Variants in PLCB4 observed in about 807,000 individuals in gnomAD.
PLCB4 encodes 1-phosphatidylinositol 4,5-bisphosphate phosphodiesterase beta-4.
In PLCB4, 77 loss-of-function variants were observed where a neutral mutation model predicts 178.8. The observed-to-expected ratio is 0.43, with a 90% CI of 0.36 to 0.52. The LOEUF (loss-of-function observed/expected upper bound fraction) is 0.52, where lower values mean the gene tolerates loss of function less well. PLCB4 is among the 20% of genes least tolerant of loss of function. The pLI is 0.00. For synonymous variants in PLCB4, 496 were observed against 490.8 expected, an observed-to-expected ratio of 1.01 and a Z score of -0.14; for missense variants, 1,024 against 1,453.4, an observed-to-expected ratio of 0.70 and a Z score of 4.80.
intron 12 of PLCB4, among the ~76,000 whole-genome samples, chr20:9,374,139 G>A (rs866871485): frequency 1.3e-5 from 2 of 152,142 alleles, no homozygotes; most frequent in South Asian, 4.1e-4. Context: ...AGGTTCAGTG[G>A]CTTCAAATTT....
intron 2 of PLCB4, among the ~76,000 whole-genome samples, chr20:9,130,064 G>A (rs994720967): frequency 6.6e-6 from 1 of 152,054 alleles, no homozygotes; most frequent in Non-Finnish European, 1.5e-5. Context: ...AGCAAGCTTA[G>A]AAACAGATGA....
chr20:9,372,510 G>A lies in PLCB4; in HGVS notation c.686+107G>A. 5.3e-6 allele frequency: 3 copies of A among 566,876 alleles called. No homozygotes were observed. In the South Asian group the frequency reaches 7.5e-5, roughly 14 times the overall value. 35.1% of individuals were successfully genotyped at this position (566,876 alleles called of 1,614,324 possible). A position where few individuals can be genotyped will look rare whatever the true frequency, so the allele number is the denominator to read the frequency against. Reference sequence around the variant, plus strand: ...AATAGAGTATGTTGGTAGCATCTAGGAATATCTAGTCAGGGTTACATTTTT... The same window carrying A: ...AATAGAGTATGTTGGTAGCATCTAGAAATATCTAGTCAGGGTTACATTTTT... On this transcript the variant is annotated intron_variant, in intron 11 of 39. Transcript: ENST00000378473.
intron 2 of PLCB4, among the ~76,000 whole-genome samples, chr20:9,185,053 G>C (rs1285491463): frequency 6.6e-6 from 1 of 152,182 alleles, no homozygotes; most frequent in Non-Finnish European, 1.5e-5. Context: ...TTCCCCAGTA[G>C]CTGGGACTAC....
chr20:9,166,201 G>GA (rs2092967602), intron 2 of PLCB4, among the ~76,000 whole-genome samples: 1 of 151,936 alleles, frequency 6.6e-6, no homozygotes, highest in Admixed American at 6.6e-5. Flanking sequence ...CTTCAGTATA[G>GA]AAAAAACAAA....
At chr20:9,253,566 G>T (rs1320093070) in intron 3 of PLCB4, among the ~76,000 whole-genome samples, 2 of 152,102 alleles carry the variant, frequency 1.3e-5, no homozygotes, top group Non-Finnish European at 2.9e-5. Context: ...ATGGCATCTT[G>T]CACACTTCCA....
intron 3 of PLCB4, among the ~76,000 whole-genome samples, chr20:9,279,662 A>G (rs2094477417): frequency 1.3e-5 from 2 of 152,024 alleles, no homozygotes; most frequent in South Asian, 4.1e-4. Context: ...CTTGAAGATT[A>G]TTTTTTAAAT....
At chr20:9,307,722 C>A in intron 3 of PLCB4, 78 bp from the exon 4 acceptor site, 1 of 585,508 alleles carries the variant, frequency 1.7e-6, no homozygotes, top group Non-Finnish European at 3.0e-6. Flanking sequence ...TCTGCAAACA[C>A]AGAAATGCGA....
chr20:9,111,825 T>C (rs2091583351), intron 2 of PLCB4, among the ~76,000 whole-genome samples: 1 of 152,240 alleles, frequency 6.6e-6, no homozygotes, highest in Non-Finnish European at 1.5e-5. Flanking sequence ...CATAGGGATT[T>C]TCTTCCATAC....
chr20:9,173,159 C>G (rs1026298295), intron 2 of PLCB4, among the ~76,000 whole-genome samples: 1 of 152,128 alleles, frequency 6.6e-6, no homozygotes, highest in Non-Finnish European at 1.5e-5. Context: ...TGGGGTGTAG[C>G]GTTGAGCCAG....
At chr20:9,091,408 C>T (rs994239358) in intron 1 of PLCB4, among the ~76,000 whole-genome samples, 1 of 151,892 alleles carries the variant, frequency 6.6e-6, no homozygotes, top group East Asian at 1.9e-4. Flanking sequence ...ACTGAAGGTT[C>T]CTTTGAATGT....
chr20:9,397,517 C>G (rs1314985810), intron 19 of PLCB4, among the ~76,000 whole-genome samples: 1 of 152,160 alleles, frequency 6.6e-6, no homozygotes, highest in Non-Finnish European at 1.5e-5. Flanking sequence ...TTGCCCAGAT[C>G]CATCAGAGGA....
intron 3 of PLCB4, among the ~76,000 whole-genome samples, chr20:9,233,787 A>G (rs1380407038): frequency 6.6e-6 from 1 of 152,154 alleles, no homozygotes. Context: ...TAGATGCATG[A>G]TCACCTTTAG....
intron 2 of PLCB4, among the ~76,000 whole-genome samples, chr20:9,165,469 T>A (rs1031674099): frequency 3.9e-5 from 6 of 152,142 alleles, no homozygotes; most frequent in Non-Finnish European, 1.5e-5. Flanking sequence ...GCAAATGAAA[T>A]CTGGAGTTTT....
chr20:9,378,258 A>T (rs2148335594), intron 12 of PLCB4, among the ~76,000 whole-genome samples: 1 of 152,316 alleles, frequency 6.6e-6, no homozygotes, highest in Non-Finnish European at 1.5e-5. Context: ...ACATATTTTT[A>T]AATTTAAAAA....
At chr20:9,357,900 G>T (rs2034982223) in intron 7 of PLCB4, among the ~76,000 whole-genome samples, 1 of 152,210 alleles carries the variant, frequency 6.6e-6, no homozygotes, top group Non-Finnish European at 1.5e-5. Context: ...AGAACTCCAA[G>T]TTGAGGGGGG....
chr20:9,393,027 CA>C (rs1255630776), intron 17 of PLCB4, among the ~76,000 whole-genome samples: 1 of 152,066 alleles, frequency 6.6e-6, no homozygotes, highest in African/African-American at 2.4e-5. Flanking sequence ...TAAATCTAAG[CA>C]AATGATGCTG....
At chr20:9,242,814 T>C (rs889245977) in intron 3 of PLCB4, among the ~76,000 whole-genome samples, 2 of 152,104 alleles carry the variant, frequency 1.3e-5, no homozygotes, top group Non-Finnish European at 2.9e-5. Flanking sequence ...CCCAGACCCA[T>C]GGAATCAGAA....
chr20:9,263,649 T>C (rs1171784957), intron 3 of PLCB4, among the ~76,000 whole-genome samples: 4 of 152,198 alleles, frequency 2.6e-5, no homozygotes, highest in Non-Finnish European at 4.4e-5. Context: ...GGTACCTGTC[T>C]CCTTTTATCT....
At chr20:9,073,620 A>G (rs1190779037) in intron 1 of PLCB4, among the ~76,000 whole-genome samples, 3 of 152,204 alleles carry the variant, frequency 2.0e-5, no homozygotes, top group African/African-American at 7.2e-5. Context: ...ATGCTGGCTC[A>G]CACCTCTAAT....
Sources: allele counts gnomAD v4.1 joint callset (sites outside exome capture counted in the v4.1 genomes callset), GRCh38; gene constraint gnomAD v4.1.1; transcripts MANE v1.5; gene names NCBI Gene and HGNC (gene_info 2026-07-23, HGNC 2026-07-21).